Variants in BACH2 observed in about 807,000 individuals in gnomAD.
BACH2 encodes transcription regulator protein BACH2.
Under a neutral mutation model 61.8 loss-of-function variants are expected in BACH2, and 5 were observed. The observed-to-expected ratio is 0.08, with a 90% confidence interval of 0.04 to 0.17. The LOEUF (loss-of-function observed/expected upper bound fraction) is 0.17. Among genes scored for constraint, BACH2 ranks in the 10% least tolerant of loss-of-function variants. The pLI is 1.00. For synonymous variants in BACH2, 446 were observed against 440.1 expected, an observed-to-expected ratio of 1.01 and a Z score of -0.17; for missense variants, 824 against 1,091.1, an observed-to-expected ratio of 0.76 and a Z score of 3.45.
intron 4 of BACH2, among the ~76,000 whole-genome samples, chr6:90,122,892 T>TA (rs1289926799): frequency 5.3e-5 from 8 of 151,994 alleles, no homozygotes; most frequent in African/African-American, 1.9e-4. Context: ...TAGTTACACA[T>TA]AAAAAAGAGA....
intron 3 of BACH2, among the ~76,000 whole-genome samples, chr6:90,247,857 T>C (rs2127868552): frequency 6.6e-6 from 1 of 152,324 alleles, no homozygotes; most frequent in South Asian, 2.1e-4. Flanking sequence ...GTCTCTGCTT[T>C]ATCCAGGATG....
chr6:90,276,903 A>G lies in BACH2; in HGVS notation c.-445-4962T>C, dbSNP rs145399618. Among the ~76,000 whole-genome samples, 15 of 152,074 alleles carry G rather than the reference A, an allele frequency of 9.9e-5. No homozygotes were observed. In the East Asian group the frequency reaches 2.7e-3, roughly 27 times the overall value. On this transcript the variant is annotated intron_variant, in intron 1 of 8. Coordinates refer to ENST00000257749, the MANE Select transcript of BACH2 (RefSeq NM_021813.4). The stretch of plus-strand genomic sequence containing the variant: ...ATAACGTCAGTATTTTAACATCCTA[A>G]CCCTTTCAAATTCTCTCTATATGAG...
chr6:90,058,040 G>A (rs56239974), intron 5 of BACH2, among the ~76,000 whole-genome samples: 13,489 of 152,196 alleles, frequency 0.089, 1,935 homozygotes, highest in African/African-American at 0.3. Flanking sequence ...AAAACTGGAA[G>A]CATTCCCTTT....
chr6:90,039,057 A>T (rs980542193), intron 5 of BACH2, among the ~76,000 whole-genome samples: 9 of 151,738 alleles, frequency 5.9e-5, no homozygotes, highest in Admixed American at 1.3e-4. Flanking sequence ...AAAAAAAAAA[A>T]GTTTACATAC....
chr6:90,088,618 T>C (rs1297160929), intron 5 of BACH2, among the ~76,000 whole-genome samples: 2 of 152,188 alleles, frequency 1.3e-5, no homozygotes, highest in Admixed American at 1.3e-4. Flanking sequence ...GATTCTCAAA[T>C]TGGGGTCCCT....
chr6:89,989,407 T>C (rs1776416632), intron 6 of BACH2, among the ~76,000 whole-genome samples: 1 of 152,148 alleles, frequency 6.6e-6, no homozygotes, highest in South Asian at 2.1e-4. Flanking sequence ...AGTAACTTTT[T>C]TATGCGGTGG....
chr6:89,939,805 C>T (rs373451535), intron 7 of BACH2, among the ~76,000 whole-genome samples: 68 of 147,280 alleles, frequency 4.6e-4, no homozygotes, highest in African/African-American at 1.6e-3. Context: ...GCTGGGACAA[C>T]CCTGCCCAGT....
intron 6 of BACH2, among the ~76,000 whole-genome samples, chr6:89,953,874 G>A (rs1228914144): frequency 3.3e-5 from 5 of 152,164 alleles, no homozygotes; most frequent in Non-Finnish European, 5.9e-5. Flanking sequence ...TGTTTGCCCC[G>A]TGTCACAGTA....
chr6:90,264,285 G>T (rs1046934227), intron 2 of BACH2, among the ~76,000 whole-genome samples: 1 of 152,122 alleles, frequency 6.6e-6, no homozygotes, highest in African/African-American at 2.4e-5. Flanking sequence ...TGATGCTGAG[G>T]TCTTCAGGGA....
intron 6 of BACH2, among the ~76,000 whole-genome samples, chr6:89,963,356 T>C (rs758574698): frequency 6.6e-6 from 1 of 152,174 alleles, no homozygotes; most frequent in Non-Finnish European, 1.5e-5. Context: ...GGCAGTGGCA[T>C]GATCATAGTT....
intron 4 of BACH2, among the ~76,000 whole-genome samples, chr6:90,164,968 G>A (rs1183532052): frequency 1.3e-5 from 2 of 152,126 alleles, no homozygotes; most frequent in African/African-American, 4.8e-5. Flanking sequence ...TACTGAATGG[G>A]CAAAAACTGG....
intron 1 of BACH2, among the ~76,000 whole-genome samples, chr6:90,279,719 T>C (rs1237697433): frequency 1.3e-5 from 2 of 152,182 alleles, no homozygotes; most frequent in Non-Finnish European, 2.9e-5. Context: ...CATCTATTCA[T>C]GAGACGTTTT....
intron 3 of BACH2, among the ~76,000 whole-genome samples, chr6:90,222,045 A>T (rs1468941425): frequency 3.3e-5 from 5 of 152,236 alleles, no homozygotes; most frequent in Non-Finnish European, 7.3e-5. Flanking sequence ...TTATAGAAAA[A>T]AGTATTATTT....
At chr6:90,264,153 A>G (rs536777142) in intron 2 of BACH2, among the ~76,000 whole-genome samples, 4 of 152,316 alleles carry the variant, frequency 2.6e-5, no homozygotes, top group Admixed American at 2.6e-4. Flanking sequence ...TCCAAGTTCA[A>G]TTACAGCTTT....
intron 5 of BACH2, among the ~76,000 whole-genome samples, chr6:90,070,243 G>T (rs1333466986): frequency 6.6e-6 from 1 of 152,070 alleles, no homozygotes; most frequent in Non-Finnish European, 1.5e-5. Flanking sequence ...TAAACCTCAG[G>T]CAATTCTGTG....
intron 3 of BACH2, among the ~76,000 whole-genome samples, chr6:90,236,283 G>A (rs1291241054): frequency 4.6e-5 from 7 of 152,234 alleles, no homozygotes; most frequent in Non-Finnish European, 1.0e-4. Context: ...TTAGAGTTTA[G>A]TGAGGAAGGC....
chr6:89,995,863 C>T (rs1337812774), intron 6 of BACH2, among the ~76,000 whole-genome samples: 14 of 152,174 alleles, frequency 9.2e-5, no homozygotes, highest in Non-Finnish European at 1.9e-4. Context: ...ATTTAGGGAG[C>T]AACTCTATAT....
At chr6:90,188,984 C>A (rs1373533365) in intron 4 of BACH2, among the ~76,000 whole-genome samples, 1 of 152,100 alleles carries the variant, frequency 6.6e-6, no homozygotes. Context: ...CCCGTAATTA[C>A]TCTCTTTTTA....
At chr6:90,061,794 T>C (rs138003320) in intron 5 of BACH2, among the ~76,000 whole-genome samples, 117 of 152,226 alleles carry the variant, frequency 7.7e-4, no homozygotes, top group Non-Finnish European at 6.2e-4. Context: ...CTGGAAGCTA[T>C]TGAGAAGCTG....
Sources: gnomAD v4.1 joint callset for allele counts (sites outside exome capture counted in the v4.1 genomes callset) on GRCh38, gnomAD v4.1.1 for gene constraint, MANE v1.5 for transcripts, NCBI Gene and HGNC (gene_info 2026-07-23, HGNC 2026-07-21) for gene names.